The following SGCB variants were observed in gnomAD, a reference collection of about 807,000 sequenced individuals.
SGCB encodes the protein beta-sarcoglycan.
Under a neutral mutation model 27.3 loss-of-function variants are expected in SGCB, and 25 were observed. That is an observed-to-expected ratio of 0.92 (90% CI 0.67 to 1.28). SGCB has a LOEUF of 1.28. Among genes scored for constraint, SGCB ranks in the 50% most tolerant of loss-of-function variants. The probability of loss-of-function intolerance (pLI) is 0.00; values close to 1 mark genes in which losing one functional copy is unlikely to be tolerated. For missense variants in SGCB, 436 were observed against 402.1 expected, an observed-to-expected ratio of 1.08 and a Z score of -0.72; for synonymous variants, 147 against 133.5, an observed-to-expected ratio of 1.10 and a Z score of -0.70.
In SGCB at chr4:52,034,257, G is replaced by A. The variant is rs1479193768; in HGVS notation, c.34-617C>T. Among the ~76,000 whole-genome samples the A allele has an allele frequency of 1.8e-4, 14 of 76,352 alleles. 2 individuals are homozygous for A. Among genetic ancestry groups the A allele is most frequent in the African/African-American group, 4.5e-4 (14 of 31,294 alleles). 50.1% of individuals were successfully genotyped at this position (76,352 alleles called of 152,430 possible). A position where few individuals can be genotyped will look rare whatever the true frequency, so the allele number is the denominator to read the frequency against. On this transcript the variant is annotated intron_variant, in intron 1 of 5. Coordinates refer to ENST00000381431, the MANE Select transcript of SGCB (RefSeq NM_000232.5). Reference sequence around the variant, plus strand: ...TGAGGCAGGAGAATGGCGTGAACCCGGGAGGCGGAGCTTGCAGTGAGCCGA... The same window carrying A: ...TGAGGCAGGAGAATGGCGTGAACCCAGGAGGCGGAGCTTGCAGTGAGCCGA...
chr4:52,023,897 T>C lies in SGCB; in HGVS notation c.*60A>G, dbSNP rs1274303066. ...ATCACAAACTCTGTAAAAACAATGA[T>C]TTGCATGCATAAAAAAGTCAAGTCA... On this transcript the variant is annotated 3_prime_UTR_variant, in exon 6 of 6. Coordinates refer to ENST00000381431, the MANE Select transcript of SGCB (RefSeq NM_000232.5). The C allele has an allele frequency of 4.0e-6, 5 of 1,250,898 alleles. No homozygotes were observed. Among genetic ancestry groups the C allele is most frequent in the African/African-American group, 1.5e-5 (1 of 67,828 alleles). The allele number at this position is 1,250,898 out of a possible 1,614,324, so 77.5% of individuals were successfully genotyped here.
At position 52,029,854 on chromosome 4, in the gene SGCB, C is replaced by G. The variant is rs773931483; in HGVS notation, c.253G>C (p.Val85Leu). 1.9e-6 allele frequency: 3 copies of G among 1,613,276 alleles called. No homozygotes were observed. Among genetic ancestry groups the G allele is most frequent in the East Asian group, 4.5e-5 (2 of 44,862 alleles). Residue 85 changes from valine (V) to leucine (L), a missense_variant, in exon 3 of 6, where the codon GTT (valine) becomes CTT (leucine). Physicochemically the swap from Val to Leu is conservative, Grantham distance 32. Coordinates refer to ENST00000381431, the MANE Select transcript of SGCB (RefSeq NM_000232.5). ...LAVINLIITL[V>L]IWAVIRIGPN... The stretch of plus-strand genomic sequence containing the variant: ...CCAATGCGAATCACGGCCCAAATAA[C>G]AAGTGTTATCTGAAAAAGAACACAA...
intron 2 of SGCB, among the ~76,000 whole-genome samples, chr4:52,030,445 C>A (rs1275104819): frequency 1.3e-5 from 2 of 152,088 alleles, no homozygotes; most frequent in Non-Finnish European, 2.9e-5. Context: ...CCAAATATGT[C>A]CTATAATGGC....
rs2109371980 is a variant in SGCB at position 52,029,792 on chromosome 4, A to G, written c.315T>C (p.Ser105=). ...NGCDSMEFHE[S]GLLRFKQVSD... is the part of the protein sequence containing the mutation. ...ATACTTGCTTAAATCGAAGCAGGCC[A>G]CTTTCATGAAACTCCATACTATCAC... is the stretch of plus-strand genomic sequence containing the variant. The change falls in exon 3 of 6, where the codon AGT becomes AGC. Residue 105 remains serine (S), a synonymous_variant. Coordinates refer to ENST00000381431, the MANE Select transcript of SGCB (RefSeq NM_000232.5). 6.2e-7 allele frequency: 1 copy of G among 1,613,438 alleles called. No individual in the cohort carries two copies. The highest frequency in any genetic ancestry group is 8.5e-7 in the Non-Finnish European group (1 of 1,179,430).
At chr4:52,036,226 G>A (rs564331210) in intron 1 of SGCB, among the ~76,000 whole-genome samples, 1 of 152,340 alleles carries the variant, frequency 6.6e-6, no homozygotes, top group East Asian at 1.9e-4. Context: ...ATGGACAGGA[G>A]TTAACCAGGC....
chr4:52,027,773 T>C (rs532335156), intron 5 of SGCB, among the ~76,000 whole-genome samples, 195 bp downstream of exon 5: 1 of 152,346 alleles, frequency 6.6e-6, no homozygotes, highest in Admixed American at 6.5e-5. Context: ...AACATACATA[T>C]GTTCTGAAAA....
intron 2 of SGCB, 22 bp downstream of exon 2, chr4:52,033,409 G>A (rs770380069): frequency 2.0e-6 from 3 of 1,501,848 alleles, no homozygotes; most frequent in South Asian, 2.3e-5. Flanking sequence ...CAATTAAAAT[G>A]AGTATTCTTA....
At chr4:52,027,767 T>C (rs73148341) in intron 5 of SGCB, among the ~76,000 whole-genome samples, 88 of 152,314 alleles carry the variant, frequency 5.8e-4, no homozygotes, top group African/African-American at 2.0e-3. Flanking sequence ...TTTATAAACA[T>C]ACATATGTTC....
chr4:52,030,865 T>C (rs1737228316), intron 2 of SGCB, among the ~76,000 whole-genome samples: 1 of 152,194 alleles, frequency 6.6e-6, no homozygotes, highest in Non-Finnish European at 1.5e-5. Flanking sequence ...AAAGTGTGCA[T>C]GGCAAAAATA....
chr4:52,026,044 C>T (rs1185108671), intron 5 of SGCB, among the ~76,000 whole-genome samples: 1 of 151,948 alleles, frequency 6.6e-6, no homozygotes, highest in African/African-American at 2.4e-5. Context: ...AAGCACAATT[C>T]CAAATTTGGG....
At position 52,038,242 on chromosome 4, in the gene SGCB, C is replaced by CGCCGCCGCT. The variant is rs1410190129; in HGVS notation, c.9_17dup (p.Ala7_Ala9dup). ...ACTCACAGACCTGTTCTGCAGCCGCCGCCGCCGCTGCCGCCATCTTCCCGC... is the reference window on the plus strand; with the variant it reads ...ACTCACAGACCTGTTCTGCAGCCGCCGCCGCCGCTGCCGCCGCTGCCGCCATCTTCCCGC... On this transcript the variant is annotated inframe_insertion, in exon 1 of 6. Transcript: ENST00000381431. 2.3e-6 allele frequency: 3 copies of CGCCGCCGCT among 1,291,176 alleles called. No homozygotes were observed. Among genetic ancestry groups the CGCCGCCGCT allele is most frequent in the Admixed American group, 3.0e-5 (1 of 33,074 alleles). 80.0% of individuals were successfully genotyped at this position (1,291,176 alleles called of 1,614,324 possible). A position where few individuals can be genotyped will look rare whatever the true frequency, so the allele number is the denominator to read the frequency against.
chr4:52,037,231 G>A (rs1036357459), intron 1 of SGCB, among the ~76,000 whole-genome samples: 1 of 152,080 alleles, frequency 6.6e-6, no homozygotes, highest in Admixed American at 6.6e-5. Flanking sequence ...CCTGCCTATT[G>A]TCTTTAGCTG....
intron 5 of SGCB, among the ~76,000 whole-genome samples, chr4:52,026,073 G>A (rs1468217359): frequency 6.6e-6 from 1 of 151,954 alleles, no homozygotes; most frequent in African/African-American, 2.4e-5. Context: ...GCTTACAGAG[G>A]GTATTTAAAG....
At chr4:52,025,960 G>T (rs1737078519) in intron 5 of SGCB, among the ~76,000 whole-genome samples, 1 of 152,210 alleles carries the variant, frequency 6.6e-6, no homozygotes, top group Non-Finnish European at 1.5e-5. Flanking sequence ...AATGTGAGAT[G>T]CCTATCAGAT....
At chr4:52,026,553 G>A (rs1737103121) in intron 5 of SGCB, among the ~76,000 whole-genome samples, 1 of 151,874 alleles carries the variant, frequency 6.6e-6, no homozygotes, top group South Asian at 2.1e-4. Context: ...CATCGCGCCC[G>A]GCCTAAATTG....
chr4:52,028,659 ACT>A (rs1737171288), intron 4 of SGCB, 69 bp downstream of exon 4: 5 of 1,218,606 alleles, frequency 4.1e-6, no homozygotes, highest in Non-Finnish European at 4.8e-6. Flanking sequence ...CAACAGTATA[ACT>A]CTCTTCCCAC....
rs1736936501 is a variant in SGCB, at chr4:52,021,050, ATAT to A, written c.*2904_*2906del. On this transcript the variant is annotated 3_prime_UTR_variant, in exon 6 of 6. Transcript: ENST00000381431. Reference sequence around the variant, plus strand: ...AGAAGACAAATAAGTATATTTTAAAATATTATCAGCAGTCCGTTTTGTGTGGTT... The same window carrying A: ...AGAAGACAAATAAGTATATTTTAAAATATCAGCAGTCCGTTTTGTGTGGTT... The A allele has an allele frequency of 6.6e-6, 1 of 152,184 alleles. No individual in the cohort carries two copies. Among genetic ancestry groups the A allele is most frequent in the South Asian group, 2.1e-4 (1 of 4,830 alleles). The allele number at this position is 152,184 out of a possible 1,614,324, so 9.4% of individuals were successfully genotyped here.
At position 52,024,124 on chromosome 4, in the gene SGCB, T is replaced by C; in HGVS notation, c.790A>G (p.Ser264Gly). 1 of 1,614,140 alleles carries C rather than the reference T, an allele frequency of 6.2e-7. No homozygotes were observed. Among genetic ancestry groups the C allele is most frequent in the Non-Finnish European group, 8.5e-7 (1 of 1,180,014 alleles). Residue 264 changes from serine (S) to glycine (G), a missense_variant, in exon 6 of 6, where the codon AGC becomes GGC. Physicochemically the swap from Ser to Gly is moderately conservative, Grantham distance 56. Coordinates refer to ENST00000381431, the MANE Select transcript of SGCB (RefSeq NM_000232.5). Reference sequence around the variant, plus strand: ...GAGGAACTGGGTAGGCGGGTGGTGCTGACCATCACAGATCCATTTAGGATG... The same window carrying C: ...GAGGAACTGGGTAGGCGGGTGGTGCCGACCATCACAGATCCATTTAGGATG... ...SIILNGSVMV[S>G]TTRLPSSSSG...
Position 52,023,798 on chromosome 4 carries a change from C to A in SGCB, c.*159G>T, listed in dbSNP as rs1578122975. 6 of 625,184 alleles carry A rather than the reference C, an allele frequency of 9.6e-6. No individual in the cohort carries two copies. In the East Asian group the frequency reaches 1.1e-4, roughly 11 times the overall value. 38.7% of individuals were successfully genotyped at this position (625,184 alleles called of 1,614,324 possible). On this transcript the variant is annotated 3_prime_UTR_variant, in exon 6 of 6. Transcript: ENST00000381431. ...AATAAAATGTATTAGAATTTAGGCTCTCTGAGAAGATTTTAACTATGTAGA... is the reference window on the plus strand; with the variant it reads ...AATAAAATGTATTAGAATTTAGGCTATCTGAGAAGATTTTAACTATGTAGA...
Sources: allele counts gnomAD v4.1 joint callset (sites outside exome capture counted in the v4.1 genomes callset), GRCh38; gene constraint gnomAD v4.1.1; transcripts MANE v1.5; gene names NCBI Gene and HGNC (gene_info 2026-07-23, HGNC 2026-07-21).